CCDC141: variants seen among roughly 807,000 people sequenced by gnomAD.
CCDC141 encodes coiled-coil domain-containing protein 141.
A neutral mutation model predicts 181.0 loss-of-function variants in CCDC141; 168 were observed. The observed-to-expected ratio is 0.93, with a 90% CI of 0.82 to 1.05. The LOEUF (loss-of-function observed/expected upper bound fraction) is 1.05. Ranked by LOEUF, CCDC141 falls within the 50% of genes least tolerant of loss-of-function variation. CCDC141 has a pLI of 0.00. For missense variants in CCDC141, 1,902 were observed against 1,788.5 expected (o/e 1.06, Z -1.14); for synonymous variants, 666 against 642.3 (o/e 1.04, Z -0.56).
chr2:178,908,006 T>TAA (rs1410196973), intron 7 of CCDC141, among the ~76,000 whole-genome samples: 2 of 140,192 alleles, frequency 1.4e-5, no homozygotes, highest in African/African-American at 5.2e-5. Context: ...TCTCAAAAAA[T>TAA]AAAAAAAAAA....
In CCDC141 at chr2:178,918,873, T is replaced by TC; in HGVS notation, c.931dup (p.Glu311GlyfsTer47). The TC allele has an allele frequency of 6.4e-7, 1 of 1,550,666 alleles. No individual in the cohort carries two copies. Among genetic ancestry groups the TC allele is most frequent in the Non-Finnish European group, 8.7e-7 (1 of 1,146,982 alleles). On this transcript the variant is annotated frameshift_variant, in exon 7 of 24. Transcript: ENST00000443758. LOFTEE classifies it high-confidence loss of function. ...CTTTGACAGCAGAATTCTCAGTGCC[T>TC]CACTCTTCAGCTTCTCAACAGCAGA...
intron 10 of CCDC141, 72 bp from the exon 11 acceptor site, chr2:178,885,164 G>C: frequency 2.0e-6 from 2 of 989,700 alleles, no homozygotes; most frequent in Non-Finnish European, 2.9e-6. Flanking sequence ...ATTATCTTCT[G>C]CATATCCACC....
intron 6 of CCDC141, among the ~76,000 whole-genome samples, chr2:178,943,452 A>T (rs913865824): frequency 5.9e-5 from 9 of 152,152 alleles, no homozygotes; most frequent in Non-Finnish European, 1.3e-4. Context: ...AAAAGATTTA[A>T]GTCTAAATAA....
intron 6 of CCDC141, among the ~76,000 whole-genome samples, chr2:178,941,098 C>A (rs1468541576): frequency 1.3e-5 from 2 of 152,184 alleles, no homozygotes; most frequent in Admixed American, 1.3e-4. Flanking sequence ...TCTAAGACAA[C>A]TCTCCTTAGC....
At chr2:178,850,986 A>G (rs888428316) in intron 20 of CCDC141, among the ~76,000 whole-genome samples, 4 of 152,154 alleles carry the variant, frequency 2.6e-5, no homozygotes, top group Non-Finnish European at 4.4e-5. Flanking sequence ...TGGGCAGATC[A>G]CTTGAGGTCA....
intron 8 of CCDC141, among the ~76,000 whole-genome samples, chr2:178,889,878 A>G (rs1190753040): frequency 2.0e-5 from 3 of 152,234 alleles, no homozygotes; most frequent in Admixed American, 2.0e-4. Context: ...TAATCAAGAC[A>G]TCAGGAGATT....
intron 2 of CCDC141, among the ~76,000 whole-genome samples, chr2:179,019,722 T>A (rs1349302493): frequency 6.6e-6 from 1 of 152,124 alleles, no homozygotes; most frequent in Non-Finnish European, 1.5e-5. Flanking sequence ...TTAGTCTATT[T>A]TGCGGTGATG....
At chr2:178,978,359 T>C (rs1185546696) in intron 3 of CCDC141, 125 bp downstream of exon 3, 4 of 521,210 alleles carry the variant, frequency 7.7e-6, no homozygotes, top group Non-Finnish European at 1.2e-5. Flanking sequence ...TGTGTATGTA[T>C]GTTTTGGTTA....
At chr2:178,918,213 C>T (rs896908287) in intron 7 of CCDC141, among the ~76,000 whole-genome samples, 1 of 151,738 alleles carries the variant, frequency 6.6e-6, no homozygotes, top group Admixed American at 6.6e-5. Flanking sequence ...AGTTTGAGGC[C>T]AGCCTGCACA....
At chr2:179,015,379 A>ATGTATCATACATC (rs1553502968) in intron 2 of CCDC141, among the ~76,000 whole-genome samples, 1 of 128,018 alleles carries the variant, frequency 7.8e-6, no homozygotes, top group Admixed American at 8.6e-5. Context: ...TATCATATAT[A>ATGTATCATACATC]TCTCATATAT....
rs1360339191 is a variant in CCDC141 at position 178,837,529 on chromosome 2, A to C, written c.3690T>G (p.Ser1230=). 1.9e-6 allele frequency: 3 copies of C among 1,613,890 alleles called. No individual in the cohort carries two copies. Among genetic ancestry groups the C allele is most frequent in the Non-Finnish European group, 2.5e-6 (3 of 1,179,962 alleles). The change falls in exon 23 of 24, where the codon TCT becomes TCG. Residue 1230 remains serine (S), a synonymous_variant. Transcript: ENST00000443758. ...TGACAGGCTCTTCCACCTCCATGTC[A>C]GATGGTGCAAGAGGGGACTCAGGGC... ...PGSPESPLAP[S]DMEVEEPVSS...
chr2:179,041,166 G>C lies in CCDC141; in HGVS notation c.225+6118C>G, dbSNP rs569744284. Among the ~76,000 whole-genome samples the C allele has an allele frequency of 2.6e-5, 4 of 152,168 alleles. No homozygotes were observed. In the East Asian group the frequency reaches 7.7e-4, roughly 29 times the overall value. Reference sequence around the variant, plus strand: ...GGCTCACTGCAAGCTCCGCCTCCTGGGTTCACGCCATTTTCCTGCCTCCAC... The same window carrying C: ...GGCTCACTGCAAGCTCCGCCTCCTGCGTTCACGCCATTTTCCTGCCTCCAC... On this transcript the variant is annotated intron_variant, in intron 2 of 23. Transcript: ENST00000443758.
chr2:178,998,336 A>G (rs1475604240), intron 2 of CCDC141, among the ~76,000 whole-genome samples: 1 of 152,194 alleles, frequency 6.6e-6, no homozygotes, highest in Non-Finnish European at 1.5e-5. Context: ...GAAGTTATTA[A>G]TGAATGTATT....
chr2:179,024,256 G>A (rs2154386067), intron 2 of CCDC141, among the ~76,000 whole-genome samples: 1 of 152,322 alleles, frequency 6.6e-6, no homozygotes, highest in East Asian at 1.9e-4. Context: ...ACTGTTGCAA[G>A]CAAGAACAGC....
chr2:178,984,151 G>A (rs1247787995), intron 2 of CCDC141, among the ~76,000 whole-genome samples: 1 of 151,860 alleles, frequency 6.6e-6, no homozygotes, highest in Non-Finnish European at 1.5e-5. Context: ...AGAGAGTGGG[G>A]GCCAATAGTC....
chr2:178,975,926 G>A (rs185937138), intron 3 of CCDC141, among the ~76,000 whole-genome samples: 2 of 152,184 alleles, frequency 1.3e-5, no homozygotes, highest in East Asian at 3.9e-4. Flanking sequence ...GAGATTAGAT[G>A]GAGCAAGAAT....
chr2:178,835,012 A>G (rs896130000), intron 23 of CCDC141, among the ~76,000 whole-genome samples: 1 of 152,174 alleles, frequency 6.6e-6, no homozygotes, highest in Non-Finnish European at 1.5e-5. Context: ...CCCTAAAAAC[A>G]AAAACAAAAA....
At chr2:178,839,741 T>A (rs1684647086) in intron 22 of CCDC141, among the ~76,000 whole-genome samples, 1 of 152,140 alleles carries the variant, frequency 6.6e-6, no homozygotes, top group South Asian at 2.1e-4. Context: ...AAAGTTTAAA[T>A]TCTGAGTCTA....
chr2:178,912,546 C>T (rs1475930432), intron 7 of CCDC141, among the ~76,000 whole-genome samples: 1 of 152,106 alleles, frequency 6.6e-6, no homozygotes, highest in African/African-American at 2.4e-5. Context: ...AACAGCCTGA[C>T]CTCTGAGCTC....
Sources: allele counts gnomAD v4.1 joint callset (sites outside exome capture counted in the v4.1 genomes callset), GRCh38; gene constraint gnomAD v4.1.1; transcripts MANE v1.5; gene names NCBI Gene and HGNC (gene_info 2026-07-23, HGNC 2026-07-21).